The following KCNQ5 variants were observed in gnomAD, a reference collection of about 807,000 sequenced individuals.
KCNQ5 encodes the protein potassium voltage-gated channel subfamily Q member 5.
KCNQ5 carries 30 observed loss-of-function variants against 98.2 expected under a neutral mutation model. The observed-to-expected ratio is 0.31, with a 90% CI of 0.23 to 0.41. The LOEUF (loss-of-function observed/expected upper bound fraction) is 0.41, where lower values mean the gene tolerates loss of function less well. Ranked by LOEUF, KCNQ5 falls within the 10% of genes least tolerant of loss-of-function variation. The pLI is 1.00. For missense variants in KCNQ5, 835 were observed against 1,182.5 expected, an observed-to-expected ratio of 0.71 and a Z score of 4.31; for synonymous variants, 458 against 449.4, an observed-to-expected ratio of 1.02 and a Z score of -0.24.
intron 11 of KCNQ5, among the ~76,000 whole-genome samples, chr6:73,186,608 T>C (rs776338269): frequency 1.3e-5 from 2 of 152,144 alleles, no homozygotes; most frequent in Non-Finnish European, 2.9e-5. Flanking sequence ...CATTATTAGA[T>C]AGAATTTCCA....
At chr6:73,119,953 T>C (rs1227970633) in intron 7 of KCNQ5, among the ~76,000 whole-genome samples, 1 of 152,042 alleles carries the variant, frequency 6.6e-6, no homozygotes, top group Non-Finnish European at 1.5e-5. Flanking sequence ...GAAAAGAAGC[T>C]CTGGCCAGGC....
At chr6:72,736,966 C>CTT (rs112772535) in intron 1 of KCNQ5, among the ~76,000 whole-genome samples, 2,025 of 151,272 alleles carry the variant, frequency 0.013, 41 homozygotes, top group African/African-American at 0.046. Context: ...CAAGATTTCT[C>CTT]TTTTTTTTGA....
intron 7 of KCNQ5, among the ~76,000 whole-genome samples, chr6:73,111,652 A>C (rs1775245148): frequency 6.6e-6 from 1 of 152,222 alleles, no homozygotes; most frequent in African/African-American, 2.4e-5. Context: ...CCATGTCAGC[A>C]AGGCCATGCA....
At chr6:72,854,299 CT>C (rs1777425548) in intron 1 of KCNQ5, among the ~76,000 whole-genome samples, 3 of 151,890 alleles carry the variant, frequency 2.0e-5, no homozygotes, top group Admixed American at 6.6e-5. Context: ...TTGTATTGAA[CT>C]TTCAAATTAG....
At chr6:72,716,271 A>G (rs1418343069) in intron 1 of KCNQ5, among the ~76,000 whole-genome samples, 1 of 152,252 alleles carries the variant, frequency 6.6e-6, no homozygotes, top group African/African-American at 2.4e-5. Context: ...ATGAGAATAA[A>G]TGCATAACTT....
chr6:72,928,104 C>G (rs528095290), intron 1 of KCNQ5, among the ~76,000 whole-genome samples: 51 of 152,196 alleles, frequency 3.4e-4, no homozygotes, highest in African/African-American at 1.2e-3. Context: ...TAAAAGCAGA[C>G]AGGTGAGGTT....
At chr6:72,666,052 G>A (rs572206990) in intron 1 of KCNQ5, among the ~76,000 whole-genome samples, 2 of 152,224 alleles carry the variant, frequency 1.3e-5, no homozygotes, top group South Asian at 2.1e-4. Context: ...TTCTATAAAC[G>A]GGTTCAGCTG....
Position 73,120,561 on chromosome 6 carries a change from A to G in KCNQ5, c.1204A>G (p.Thr402Ala). 6.2e-7 allele frequency: 1 copy of G among 1,610,374 alleles called. No homozygotes were observed. Among genetic ancestry groups the G allele is most frequent in the Non-Finnish European group, 8.5e-7 (1 of 1,177,452 alleles). The change falls in exon 8 of 14, where the codon ACC becomes GCC. Residue 402 changes from threonine (T) to alanine (A), a missense_variant. Physicochemically the swap from Thr to Ala is moderately conservative, Grantham distance 58 (BLOSUM62 0). Coordinates refer to ENST00000370398, the MANE Select transcript of KCNQ5 (RefSeq NM_019842.4). The stretch of plus-strand genomic sequence containing the variant: ...GAAGCCACACTTGAAGGCCTTGCAC[A>G]CCTGCAGCCCTACCAAGTAGGTATC... Reference protein sequence around the residue: ...TWKPHLKALHTCSPTKKEQGE... With the variant: ...TWKPHLKALHACSPTKKEQGE...
chr6:72,838,794 C>A (rs1164913228), intron 1 of KCNQ5, among the ~76,000 whole-genome samples: 2 of 150,412 alleles, frequency 1.3e-5, no homozygotes, highest in Non-Finnish European at 3.0e-5. Flanking sequence ...ACTAAAAATA[C>A]AAAAAATTAG....
chr6:72,779,667 C>T (rs184474292), intron 1 of KCNQ5, among the ~76,000 whole-genome samples: 32 of 152,006 alleles, frequency 2.1e-4, no homozygotes, highest in South Asian at 8.3e-4. Flanking sequence ...TGTTTTCAGA[C>T]GAGGTGTGAT....
chr6:73,194,680 C>T lies in KCNQ5; in HGVS notation c.2065C>T (p.Gln689Ter). 6.2e-7 allele frequency: 1 copy of T among 1,614,264 alleles called. No homozygotes were observed. The highest frequency in any genetic ancestry group is 8.5e-7 in the Non-Finnish European group (1 of 1,180,044). ...TAGTGCCAACATCTCGAGAGGCCTG[C>T]AGTTCATTCTGACGCCAAATGAGTT... ...STSANISRGL[Q>*]FILTPNEFSA... Residue 689 changes from glutamine (Q) to a stop codon, truncating the protein, a stop_gained, in exon 14 of 14, where the codon CAG (glutamine) becomes TAG (stop). Transcript: ENST00000370398. LOFTEE classifies it high-confidence loss of function.
chr6:73,166,520 A>AG (rs1018175104), intron 10 of KCNQ5, among the ~76,000 whole-genome samples: 1 of 105,014 alleles, frequency 9.5e-6, no homozygotes, highest in African/African-American at 4.7e-5. Flanking sequence ...TCTAAAAAAA[A>AG]AAAAAACTCT....
chr6:72,947,798 A>G (rs1047932273), intron 1 of KCNQ5, among the ~76,000 whole-genome samples: 3 of 152,156 alleles, frequency 2.0e-5, no homozygotes, highest in African/African-American at 7.2e-5. Context: ...ATTGCAGCCA[A>G]AGAGGACATA....
intron 1 of KCNQ5, among the ~76,000 whole-genome samples, chr6:72,929,333 G>A (rs939570637): frequency 1.3e-5 from 2 of 152,046 alleles, no homozygotes; most frequent in Non-Finnish European, 2.9e-5. Flanking sequence ...GGTGGAATAA[G>A]ACCAAATGGA....
At chr6:72,873,123 T>C (rs1305306151) in intron 1 of KCNQ5, among the ~76,000 whole-genome samples, 2 of 152,170 alleles carry the variant, frequency 1.3e-5, no homozygotes, top group Non-Finnish European at 1.5e-5. Context: ...TTCTTTTCAA[T>C]CAATGAGATT....
intron 1 of KCNQ5, among the ~76,000 whole-genome samples, chr6:72,956,348 T>C (rs1031683568): frequency 4.6e-5 from 7 of 152,136 alleles, no homozygotes; most frequent in African/African-American, 1.2e-4. Context: ...GTGTCTAACC[T>C]TCCCTCGTGT....
chr6:72,926,458 T>A (rs916698961), intron 1 of KCNQ5, among the ~76,000 whole-genome samples: 1 of 152,162 alleles, frequency 6.6e-6, no homozygotes, highest in Non-Finnish European at 1.5e-5. Context: ...ACTATGATCA[T>A]TATTTCTGAT....
intron 1 of KCNQ5, among the ~76,000 whole-genome samples, chr6:72,912,130 A>G (rs989580859): frequency 6.6e-6 from 1 of 152,172 alleles, no homozygotes; most frequent in South Asian, 2.1e-4. Context: ...CCCTTAATCA[A>G]TGCCATTGTC....
At chr6:72,743,101 T>C (rs1353528224) in intron 1 of KCNQ5, among the ~76,000 whole-genome samples, 4 of 152,188 alleles carry the variant, frequency 2.6e-5, no homozygotes, top group Non-Finnish European at 5.9e-5. Flanking sequence ...CCTTTGATCA[T>C]TTTAACCATT....
Sources: allele counts gnomAD v4.1 joint callset (sites outside exome capture counted in the v4.1 genomes callset), GRCh38; gene constraint gnomAD v4.1.1; transcripts MANE v1.5; gene names NCBI Gene and HGNC (gene_info 2026-07-23, HGNC 2026-07-21).